GPA33: variants seen among roughly 807,000 people sequenced by gnomAD.
GPA33 encodes glycoprotein A33, also known as cell surface A33 antigen.
A neutral mutation model predicts 35.6 loss-of-function variants in GPA33; 27 were observed. That is an observed-to-expected ratio of 0.76 (90% CI 0.56 to 1.04). The LOEUF (loss-of-function observed/expected upper bound fraction) is 1.04, where lower values mean the gene tolerates loss of function less well. GPA33 is among the 50% of genes least tolerant of loss of function. The pLI, the probability that GPA33 is intolerant of heterozygous loss-of-function variation, is 0.00. For synonymous variants in GPA33, 176 were observed against 164.0 expected, an observed-to-expected ratio of 1.07 and a Z score of -0.56; for missense variants, 428 against 411.9, an observed-to-expected ratio of 1.04 and a Z score of -0.34.
intron 1 of GPA33, among the ~76,000 whole-genome samples, chr1:167,087,197 G>C (rs1667070123): frequency 6.6e-6 from 1 of 152,036 alleles, no homozygotes; most frequent in Admixed American, 6.5e-5. Context: ...TCCCTTTCTT[G>C]GCACGTGTCT....
chr1:167,070,602 G>T (rs1234876384), intron 2 of GPA33, among the ~76,000 whole-genome samples: 1 of 152,202 alleles, frequency 6.6e-6, no homozygotes, highest in Non-Finnish European at 1.5e-5. Flanking sequence ...TAAACAGTTT[G>T]CATTTACCCT....
chr1:167,065,058 T>C (rs1463569161), intron 3 of GPA33, among the ~76,000 whole-genome samples: 1 of 152,198 alleles, frequency 6.6e-6, no homozygotes, highest in East Asian at 1.9e-4. Context: ...ATTGTCAAGA[T>C]ACCATTGTGG....
chr1:167,063,121 G>A (rs556572458), intron 4 of GPA33, among the ~76,000 whole-genome samples: 72 of 152,346 alleles, frequency 4.7e-4, no homozygotes, highest in African/African-American at 1.6e-3. Flanking sequence ...CTATGAGGTA[G>A]GTATTATTAT....
chr1:167,063,157 A>G (rs4657626), intron 4 of GPA33, among the ~76,000 whole-genome samples: 92,836 of 152,078 alleles, frequency 0.61, 28,955 homozygotes, highest in South Asian at 0.72. Context: ...GCCGGGCGCG[A>G]TGGCTCACGC....
In GPA33 at chr1:167,055,788, A is replaced by G. The variant is rs371027430; in HGVS notation, c.633T>C (p.Cys211=). The change falls in exon 5 of 7, where the codon TGT becomes TGC. Residue 211 remains cysteine (C), a synonymous_variant. Transcript: ENST00000367868. ...ISTDTSGYYI[C]TSSNEEGTQF... is the part of the protein sequence containing the mutation. The stretch of plus-strand genomic sequence containing the variant: ...GCGTCCCCTCCTCATTGCTGGAGGT[A>G]CAGATGTAGTAACCCGATGTGTCTG... 3.4e-5 allele frequency: 55 copies of G among 1,613,366 alleles called. No individual in the cohort carries two copies. Among genetic ancestry groups the G allele is most frequent in the Non-Finnish European group, 4.6e-5 (54 of 1,179,546 alleles).
chr1:167,082,107 C>G (rs1005175405), intron 1 of GPA33: 2 of 376,088 alleles, frequency 5.3e-6, no homozygotes, highest in Non-Finnish European at 1.0e-5. Flanking sequence ...CGGTGTTGGA[C>G]TGCATATATA....
intron 1 of GPA33, among the ~76,000 whole-genome samples, chr1:167,085,390 A>G (rs956150488): frequency 3.3e-5 from 5 of 152,212 alleles, no homozygotes; most frequent in African/African-American, 1.2e-4. Flanking sequence ...TTACAAGTAC[A>G]TGCTGGGCCA....
intron 1 of GPA33, among the ~76,000 whole-genome samples, chr1:167,082,059 G>A (rs2102201625): frequency 6.6e-6 from 1 of 152,268 alleles, no homozygotes; most frequent in East Asian, 1.9e-4. Flanking sequence ...TTAATGGGAA[G>A]GCTTATTGAG....
chr1:167,081,557 A>G (rs1214635312), intron 1 of GPA33, among the ~76,000 whole-genome samples: 1 of 152,232 alleles, frequency 6.6e-6, no homozygotes, highest in African/African-American at 2.4e-5. Context: ...TTATGCATCT[A>G]TAAATTCAGA....
chr1:167,060,992 T>G (rs1666427127), intron 4 of GPA33, among the ~76,000 whole-genome samples: 1 of 152,246 alleles, frequency 6.6e-6, no homozygotes, highest in Non-Finnish European at 1.5e-5. Flanking sequence ...GAGTGCTTAC[T>G]GCCTACCAGG....
intron 4 of GPA33, among the ~76,000 whole-genome samples, chr1:167,056,987 T>G (rs1340721824): frequency 8.0e-6 from 1 of 124,280 alleles, no homozygotes; most frequent in African/African-American, 3.0e-5. Flanking sequence ...ATGTGTGGTG[T>G]GTGGTGGGTG....
At chr1:167,072,113 G>A (rs189178326) in intron 2 of GPA33, among the ~76,000 whole-genome samples, 9 of 151,214 alleles carry the variant, frequency 6.0e-5, no homozygotes, top group Admixed American at 1.3e-4. Context: ...CCCTTGGTGC[G>A]TCTGACCAAG....
At chr1:167,060,943 C>A (rs917685205) in intron 4 of GPA33, among the ~76,000 whole-genome samples, 1 of 152,220 alleles carries the variant, frequency 6.6e-6, no homozygotes, top group Non-Finnish European at 1.5e-5. Flanking sequence ...TCCTTGAGGA[C>A]CCAACTCAAA....
At chr1:167,075,955 T>C (rs1028651216) in intron 1 of GPA33, among the ~76,000 whole-genome samples, 24 of 152,002 alleles carry the variant, frequency 1.6e-4, no homozygotes, top group African/African-American at 5.1e-4. Context: ...GAGATGGTCA[T>C]TGGATGTGGC....
chr1:167,055,807 G>A lies in GPA33; in HGVS notation c.614C>T (p.Thr205Ile). Residue 205 changes from threonine (T) to isoleucine (I), a missense_variant, in exon 5 of 7, where the codon ACA (threonine) becomes ATA (isoleucine). Physicochemically the swap from Thr to Ile is moderately conservative, Grantham distance 89 (BLOSUM62 -1). Coordinates refer to ENST00000367868, the MANE Select transcript of GPA33 (RefSeq NM_005814.3). ...PVSLKNISTD[T>I]SGYYICTSSN... ...GGAGGTACAGATGTAGTAACCCGAT[G>A]TGTCTGTGGAGATATTCTTCAGGGA... The A allele has an allele frequency of 1.9e-6, 3 of 1,613,904 alleles. No individual in the cohort carries two copies. The highest frequency in any genetic ancestry group is 2.5e-6 in the Non-Finnish European group (3 of 1,179,788).
At chr1:167,075,365 T>G (rs1286852428) in intron 1 of GPA33, among the ~76,000 whole-genome samples, 1 of 152,060 alleles carries the variant, frequency 6.6e-6, no homozygotes, top group Non-Finnish European at 1.5e-5. Context: ...TGGTGAGAAG[T>G]GATCCAAATT....
intron 1 of GPA33, among the ~76,000 whole-genome samples, chr1:167,084,684 A>C (rs1338340978): frequency 1.3e-5 from 2 of 152,198 alleles, no homozygotes; most frequent in African/African-American, 4.8e-5. Flanking sequence ...ATTAGACTAT[A>C]TACCAGCTTG....
chr1:167,075,418 G>C (rs893585166), intron 1 of GPA33, among the ~76,000 whole-genome samples: 1 of 152,162 alleles, frequency 6.6e-6, no homozygotes, highest in Non-Finnish European at 1.5e-5. Context: ...TTGACTGCAG[G>C]CTACATTTGG....
At chr1:167,078,928 T>C (rs1020210810) in intron 1 of GPA33, among the ~76,000 whole-genome samples, 1 of 152,214 alleles carries the variant, frequency 6.6e-6, no homozygotes, top group Non-Finnish European at 1.5e-5. Flanking sequence ...AAATGATAGT[T>C]ACTATTACAT....
Sources: gnomAD v4.1 joint callset for allele counts (sites outside exome capture counted in the v4.1 genomes callset) on GRCh38, gnomAD v4.1.1 for gene constraint, MANE v1.5 for transcripts, NCBI Gene and HGNC (gene_info 2026-07-23, HGNC 2026-07-21) for gene names.